The following ZNF732 variants were observed in gnomAD, a reference collection of about 807,000 sequenced individuals.
ZNF732 encodes the protein zinc finger protein LOC654254.
Under a neutral mutation model 11.5 loss-of-function variants are expected in ZNF732, and 12 were observed. The ratio of observed to expected loss-of-function variants is 1.05; its 90% CI spans 0.67 to 1.70. The LOEUF is 1.70. ZNF732 is among the 40% of genes most tolerant of loss of function. The probability of loss-of-function intolerance (pLI) is 0.00; values close to 1 mark genes in which losing one functional copy is unlikely to be tolerated. For synonymous variants in ZNF732, 231 were observed against 236.5 expected (o/e 0.98, Z 0.21); for missense variants, 702 against 676.9 (o/e 1.04, Z -0.41).
intron 3 of ZNF732, among the ~76,000 whole-genome samples, chr4:293,211 A>T (rs1163531363): frequency 7.1e-6 from 1 of 140,956 alleles, no homozygotes; most frequent in Non-Finnish European, 1.5e-5. Context: ...TTGCTGTAGT[A>T]TATTTACAAT....
At position 272,482 on chromosome 4, in the gene ZNF732, A is replaced by C; in HGVS notation, c.375T>G (p.Gly125=). 3.7e-6 allele frequency: 6 copies of C among 1,602,640 alleles called. No homozygotes were observed. The highest frequency in any genetic ancestry group is 4.3e-6 in the Non-Finnish European group (5 of 1,173,682). Residue 125 remains glycine, a synonymous_variant, in exon 4 of 4, where the codon GGT becomes GGG. Transcript: ENST00000419098. Reference sequence around the variant, plus strand: ...ACAAGCATTGATTAAATTCATTATAACCTCCTTTCTGCACCTTCCTTTTAC... The same window carrying C: ...ACAAGCATTGATTAAATTCATTATACCCTCCTTTCTGCACCTTCCTTTTAC... ...KSCKRKVQKG[G]YNEFNQCLST... is the part of the protein sequence containing the mutation.
intron 3 of ZNF732, among the ~76,000 whole-genome samples, chr4:273,560 G>A (rs1410017450): frequency 6.6e-6 from 1 of 151,544 alleles, no homozygotes; most frequent in East Asian, 1.9e-4. Flanking sequence ...GAACATCAAT[G>A]AAAACATTAA....
At chr4:284,341 AAAAG>A (rs1719680467) in intron 3 of ZNF732, among the ~76,000 whole-genome samples, 1 of 152,228 alleles carries the variant, frequency 6.6e-6, no homozygotes, top group South Asian at 2.1e-4. Flanking sequence ...TCAAAGAAGA[AAAAG>A]AAAAGAAAAA....
At chr4:275,070 G>A (rs1719464760) in intron 3 of ZNF732, among the ~76,000 whole-genome samples, 1 of 151,528 alleles carries the variant, frequency 6.6e-6, no homozygotes, top group Admixed American at 6.6e-5. Context: ...CAGAACTGTA[G>A]AGAACACTGC....
At chr4:278,910 GTAAATGT>G (rs1719556730) in intron 3 of ZNF732, among the ~76,000 whole-genome samples, 1 of 152,166 alleles carries the variant, frequency 6.6e-6, no homozygotes, top group Non-Finnish European at 1.5e-5. Flanking sequence ...CCATAGTCTG[GTAAATGT>G]AAATATATAT....
rs1435595396 is a variant in ZNF732 at position 270,920 on chromosome 4, A to G, written c.*179T>C. On this transcript the variant is annotated 3_prime_UTR_variant, in exon 4 of 4. Coordinates refer to ENST00000419098, the MANE Select transcript of ZNF732 (RefSeq NM_001137608.3). ...GCGGACTGTTTGAAGGCTTTCCCAC[A>G]TTCTTTACATTTGTAGGGTTTTTCT... is the stretch of plus-strand genomic sequence containing the variant. The G allele has an allele frequency of 3.0e-5, 23 of 757,542 alleles. No individual in the cohort carries two copies. Among genetic ancestry groups the G allele is most frequent in the Non-Finnish European group, 4.7e-5 (20 of 428,070 alleles). 46.9% of individuals were successfully genotyped at this position (757,542 alleles called of 1,614,324 possible). A position where few individuals can be genotyped will look rare whatever the true frequency, so the allele number is the denominator to read the frequency against.
At chr4:304,047 C>T (rs1266883743) in intron 1 of ZNF732, among the ~76,000 whole-genome samples, 3 of 152,070 alleles carry the variant, frequency 2.0e-5, no homozygotes, top group African/African-American at 7.2e-5. Flanking sequence ...GAAACAGGTT[C>T]CTGCTATAGA....
chr4:299,389 ATG>A (rs1491589022), intron 1 of ZNF732, among the ~76,000 whole-genome samples: 1 of 85,958 alleles, frequency 1.2e-5, no homozygotes. Flanking sequence ...ATATACACAT[ATG>A]TACACATATG....
chr4:280,546 T>C (rs558224246), intron 3 of ZNF732, among the ~76,000 whole-genome samples: 6 of 152,114 alleles, frequency 3.9e-5, no homozygotes, highest in East Asian at 1.9e-4. Context: ...GATGGTACCA[T>C]TGCACTCCAG....
Position 271,278 on chromosome 4 carries a change from C to G in ZNF732, c.1579G>C (p.Glu527Gln), listed in dbSNP as rs782509381. 2.5e-6 allele frequency: 4 copies of G among 1,584,494 alleles called. No homozygotes were observed. The highest frequency in any genetic ancestry group is 3.4e-6 in the Non-Finnish European group (4 of 1,164,482). ...LSKHKKIHTG[E>Q]KPYRCEECGK... ...CACTCTTCACATCTATAAGGTTTCTCTCCAGTATGAATTTTCTTATGTTTA... is the reference window on the plus strand; with the variant it reads ...CACTCTTCACATCTATAAGGTTTCTGTCCAGTATGAATTTTCTTATGTTTA... The change falls in exon 4 of 4, where the codon GAG (glutamate) becomes CAG (glutamine). Residue 527 changes from glutamate (E) to glutamine (Q), a missense_variant. By Grantham distance (29) the Glu-to-Gln change is conservative (BLOSUM62 2). This residue lies in a region of ZNF732 where 94 missense variants were observed against 87.5 expected (regional missense o/e 1.07). Transcript: ENST00000419098.
intron 1 of ZNF732, among the ~76,000 whole-genome samples, chr4:298,140 C>T (rs1581547386): frequency 6.6e-6 from 1 of 152,108 alleles, no homozygotes; most frequent in Non-Finnish European, 1.5e-5. Context: ...GACAATACAA[C>T]TTCTCTTCTG....
intron 3 of ZNF732, among the ~76,000 whole-genome samples, chr4:273,677 TAC>T (rs1440489857): frequency 8.6e-5 from 13 of 151,870 alleles, no homozygotes; most frequent in East Asian, 1.9e-4. Context: ...TCAACAAGGT[TAC>T]ACACACAGAT....
chr4:294,283 A>C (rs1316214569), intron 3 of ZNF732, among the ~76,000 whole-genome samples: 1 of 152,236 alleles, frequency 6.6e-6, no homozygotes, highest in Non-Finnish European at 1.5e-5. Context: ...TACAGGCGTG[A>C]GGCAAGGCAC....
At position 295,503 on chromosome 4, in the gene ZNF732, A is replaced by G. The variant is rs1553842124; in HGVS notation, c.161T>C (p.Ile54Thr). Reference sequence around the variant, plus strand: ...GGGCTCCTTTCTTTGCTCCAGATAGATGACCAGGTCTGGGTTAGAGATAGC... The same window carrying G: ...GGGCTCCTTTCTTTGCTCCAGATAGGTGACCAGGTCTGGGTTAGAGATAGC... ...GVAISNPDLV[I>T]YLEQRKEPYK... Residue 54 changes from isoleucine (I) to threonine (T), a missense_variant, in exon 3 of 4, where the codon ATC (isoleucine) becomes ACC (threonine). Ile to Thr is a moderately conservative substitution (Grantham distance 89, BLOSUM62 -1). This residue lies in a region of ZNF732 where 596 missense variants were observed against 557.9 expected (regional missense o/e 1.07). Transcript: ENST00000419098. 6.2e-7 allele frequency: 1 copy of G among 1,613,034 alleles called. No individual in the cohort carries two copies. Among genetic ancestry groups the G allele is most frequent in the East Asian group, 2.2e-5 (1 of 44,866 alleles).
At chr4:297,607 T>TTAAAA (rs1491574356) in intron 1 of ZNF732, among the ~76,000 whole-genome samples, 1 of 101,016 alleles carries the variant, frequency 9.9e-6, no homozygotes, top group African/African-American at 3.7e-5. Context: ...TTAAGATTTG[T>TTAAAA]AAAAAAAAAA....
At chr4:302,857 T>G (rs1225893601) in intron 1 of ZNF732, among the ~76,000 whole-genome samples, 1 of 152,202 alleles carries the variant, frequency 6.6e-6, no homozygotes, top group Admixed American at 6.5e-5. Flanking sequence ...ACCTTGTTTC[T>G]ACTAACCCTG....
chr4:292,804 TGG>T (rs1553841525), intron 3 of ZNF732, among the ~76,000 whole-genome samples: 1 of 143,936 alleles, frequency 6.9e-6, no homozygotes, highest in Non-Finnish European at 1.5e-5. Context: ...CCCAACACTT[TGG>T]GAGGCTCAGG....
At chr4:287,674 G>A (rs542105572) in intron 3 of ZNF732, among the ~76,000 whole-genome samples, 6 of 150,580 alleles carry the variant, frequency 4.0e-5, no homozygotes, top group East Asian at 3.9e-4. Context: ...ATGGAGTCTC[G>A]CTCTGTCACC....
chr4:302,196 A>G (rs1008796946), intron 1 of ZNF732, among the ~76,000 whole-genome samples: 5 of 152,204 alleles, frequency 3.3e-5, no homozygotes, highest in Non-Finnish European at 7.3e-5. Flanking sequence ...TTTTCTCTAA[A>G]GTGAAGCCTA....
Sources: allele counts gnomAD v4.1 joint callset (sites outside exome capture counted in the v4.1 genomes callset), GRCh38; gene constraint gnomAD v4.1.1; regional missense constraint gnomAD v4.1.1; transcripts MANE v1.5; gene names NCBI Gene and HGNC (gene_info 2026-07-23, HGNC 2026-07-21).